Variants in SLC10A7 observed in about 807,000 individuals in gnomAD.
SLC10A7 encodes the protein sodium/bile acid cotransporter 7.
SLC10A7 carries 29 observed loss-of-function variants against 43.2 expected under a neutral mutation model. That is an observed-to-expected ratio of 0.67 (90% CI 0.50 to 0.92). The LOEUF is 0.92. SLC10A7 is among the 40% of genes least tolerant of loss of function. SLC10A7 has a pLI of 0.00. For synonymous variants in SLC10A7, 152 were observed against 144.8 expected, an observed-to-expected ratio of 1.05 and a Z score of -0.35; for missense variants, 295 against 403.2, an observed-to-expected ratio of 0.73 and a Z score of 2.30.
At chr4:146,484,634 G>A (rs1734763758) in intron 4 of SLC10A7, among the ~76,000 whole-genome samples, 1 of 152,098 alleles carries the variant, frequency 6.6e-6, no homozygotes. Flanking sequence ...GAGATCTAAT[G>A]TACACATGAG....
intron 5 of SLC10A7, among the ~76,000 whole-genome samples, chr4:146,410,157 G>T (rs551082438): frequency 6.6e-6 from 1 of 152,176 alleles, no homozygotes; most frequent in Admixed American, 6.6e-5. Context: ...GAACATAGAG[G>T]CCTAATAAGT....
At chr4:146,403,667 C>G (rs1739374840) in intron 5 of SLC10A7, among the ~76,000 whole-genome samples, 1 of 152,118 alleles carries the variant, frequency 6.6e-6, no homozygotes, top group Non-Finnish European at 1.5e-5. Flanking sequence ...AAAAATGGAA[C>G]TGATCCAAAA....
intron 2 of SLC10A7, chr4:146,514,182 T>C (rs991393361): frequency 6.6e-6 from 1 of 152,252 alleles, no homozygotes; most frequent in South Asian, 2.1e-4. Flanking sequence ...GAGTTTGCTA[T>C]ATTTGCTTTT....
chr4:146,349,965 T>C (rs1210236453), intron 5 of SLC10A7, among the ~76,000 whole-genome samples: 1 of 152,032 alleles, frequency 6.6e-6, no homozygotes, highest in African/African-American at 2.4e-5. Flanking sequence ...GTCCTGTACA[T>C]GTACCCCCAC....
intron 5 of SLC10A7, among the ~76,000 whole-genome samples, chr4:146,387,293 G>C (rs1235300364): frequency 6.6e-6 from 1 of 152,190 alleles, no homozygotes; most frequent in East Asian, 1.9e-4. Flanking sequence ...TCTTATTCTA[G>C]AGATACAAGG....
intron 6 of SLC10A7, among the ~76,000 whole-genome samples, chr4:146,306,282 T>G (rs1731564636): frequency 1.3e-5 from 2 of 152,190 alleles, no homozygotes; most frequent in African/African-American, 2.4e-5. Context: ...AGTCATTCTG[T>G]TTTCATACAG....
intron 5 of SLC10A7, among the ~76,000 whole-genome samples, chr4:146,343,134 G>T (rs999106809): frequency 6.6e-6 from 1 of 151,896 alleles, no homozygotes. Context: ...TTTAAAAGAT[G>T]AATAATTATA....
At chr4:146,280,473 C>A (rs895580420) in intron 10 of SLC10A7, among the ~76,000 whole-genome samples, 17 of 152,026 alleles carry the variant, frequency 1.1e-4, no homozygotes, top group African/African-American at 3.9e-4. Context: ...ATCTCTATAC[C>A]TTCCACTCAA....
intron 5 of SLC10A7, among the ~76,000 whole-genome samples, chr4:146,375,431 G>A (rs1737121619): frequency 6.6e-6 from 1 of 152,012 alleles, no homozygotes; most frequent in South Asian, 2.1e-4. Context: ...ACTCCCTCAT[G>A]GCCCTCAAGT....
intron 2 of SLC10A7, among the ~76,000 whole-genome samples, chr4:146,511,405 A>T (rs1480160884): frequency 6.6e-6 from 1 of 152,246 alleles, no homozygotes; most frequent in African/African-American, 2.4e-5. Context: ...TATGCCAGAG[A>T]GTTACTGGTT....
At chr4:146,365,551 T>C (rs947242368) in intron 5 of SLC10A7, among the ~76,000 whole-genome samples, 1 of 152,220 alleles carries the variant, frequency 6.6e-6, no homozygotes, top group South Asian at 2.1e-4. Flanking sequence ...ATTGTCTTAC[T>C]GTTAATAAAC....
At chr4:146,470,094 C>T (rs1445696646) in intron 4 of SLC10A7, among the ~76,000 whole-genome samples, 1 of 152,144 alleles carries the variant, frequency 6.6e-6, no homozygotes, top group Non-Finnish European at 1.5e-5. Flanking sequence ...TACGTTCTGA[C>T]AACAGGCAGC....
rs190268667 is a variant in SLC10A7 at position 146,302,421 on chromosome 4, T to C, written c.555+3505A>G. Among the ~76,000 whole-genome samples the C allele has an allele frequency of 1.3e-3, 200 of 152,294 alleles. 1 individual carries two copies. Among genetic ancestry groups the C allele is most frequent in the African/African-American group, 4.6e-3 (193 of 41,562 alleles). ...GTAATGATAAACAAAACGAATATGG[T>C]TCCAGTACTCAAGAAGCTGACAGTC... On this transcript the variant is annotated intron_variant, in intron 7 of 11. Transcript: ENST00000335472.
intron 5 of SLC10A7, among the ~76,000 whole-genome samples, chr4:146,375,922 A>T (rs759472035): frequency 6.6e-6 from 1 of 152,078 alleles, no homozygotes; most frequent in Non-Finnish European, 1.5e-5. Flanking sequence ...CTAGCTTGTG[A>T]CCTATACTGA....
chr4:146,318,023 C>T (rs1732443918), intron 6 of SLC10A7, among the ~76,000 whole-genome samples: 1 of 152,044 alleles, frequency 6.6e-6, no homozygotes, highest in Admixed American at 6.6e-5. Flanking sequence ...CACTCCCTTT[C>T]TCCTGCTCAA....
intron 5 of SLC10A7, among the ~76,000 whole-genome samples, chr4:146,351,548 C>A (rs1310293160): frequency 6.6e-6 from 1 of 150,616 alleles, no homozygotes; most frequent in Non-Finnish European, 1.5e-5. Flanking sequence ...CACAAAGATA[C>A]TCCTCGAGAA....
At chr4:146,473,745 AT>A (rs901988269) in intron 4 of SLC10A7, among the ~76,000 whole-genome samples, 2 of 151,550 alleles carry the variant, frequency 1.3e-5, no homozygotes, top group African/African-American at 2.4e-5. Context: ...GAAATCTTAC[AT>A]TTTTTTTACT....
intron 5 of SLC10A7, among the ~76,000 whole-genome samples, chr4:146,367,816 A>G (rs777422848): frequency 5.1e-4 from 77 of 152,234 alleles, no homozygotes; most frequent in Non-Finnish European, 8.8e-4. Flanking sequence ...TCTAATAAAT[A>G]AATATTCACA....
At chr4:146,375,601 T>C (rs1737137228) in intron 5 of SLC10A7, among the ~76,000 whole-genome samples, 1 of 152,218 alleles carries the variant, frequency 6.6e-6, no homozygotes, top group Non-Finnish European at 1.5e-5. Flanking sequence ...ACAACTTATC[T>C]CCTTTTAACA....
Sources: gnomAD v4.1 joint callset for allele counts (sites outside exome capture counted in the v4.1 genomes callset) on GRCh38, gnomAD v4.1.1 for gene constraint, MANE v1.5 for transcripts, NCBI Gene and HGNC (gene_info 2026-07-23, HGNC 2026-07-21) for gene names.